The following PC variants were observed in gnomAD, a reference collection of about 807,000 sequenced individuals.
PC encodes pyruvate carboxylase, mitochondrial.
PC carries 46 observed loss-of-function variants against 107.8 expected under a neutral mutation model. The ratio of observed to expected loss-of-function variants is 0.43; its 90% CI spans 0.34 to 0.55. The LOEUF is 0.55. Ranked by LOEUF, PC falls within the 20% of genes least tolerant of loss-of-function variation. The pLI, the probability that PC is intolerant of heterozygous loss-of-function variation, is 0.04. For missense variants in PC, 1,241 were observed against 1,643.1 expected (o/e 0.76, Z 4.23); for synonymous variants, 662 against 684.7 (o/e 0.97, Z 0.52).
intron 3 of PC, among the ~76,000 whole-genome samples, chr11:66,914,094 G>A (rs917942784): frequency 2.6e-5 from 4 of 152,126 alleles, no homozygotes; most frequent in Non-Finnish European, 5.9e-5. Flanking sequence ...CAAACACTTC[G>A]GTAAGTCAGC....
Position 66,858,522 on chromosome 11 carries a change from CCGCCCGGCCT to C in PC, c.1369-5149_1369-5140del. Reference sequence around the variant, plus strand: ...GGACGACCTGGAAACGTGCGCCTCCCCGCCCGGCCTGGCCGGCCGCTACTTCTGGGCAGTG... The same window carrying C: ...GGACGACCTGGAAACGTGCGCCTCCCGGCCGGCCGCTACTTCTGGGCAGTG... On this transcript the variant is annotated intron_variant, in intron 12 of 22. Transcript: ENST00000393960. The surrounding 1 kb of genome is among the most constrained non-coding windows in gnomAD (Gnocchi z 5.9). 4 of 1,534,520 alleles carry C rather than the reference CCGCCCGGCCT, an allele frequency of 2.6e-6. No individual in the cohort carries two copies. Among genetic ancestry groups the C allele is most frequent in the Non-Finnish European group, 3.5e-6 (4 of 1,145,750 alleles).
chr11:66,879,349 A>C (rs1000848098), intron 3 of PC, among the ~76,000 whole-genome samples: 2 of 152,210 alleles, frequency 1.3e-5, no homozygotes, highest in Non-Finnish European at 2.9e-5. Context: ...CGAGGACACC[A>C]CGTGCTTTTG....
At chr11:66,874,198 G>A (rs186317157) in intron 3 of PC, among the ~76,000 whole-genome samples, 74 of 152,186 alleles carry the variant, frequency 4.9e-4, no homozygotes, top group Middle Eastern at 3.4e-3. Context: ...GACCTCAGGC[G>A]ATCCACCTGC....
chr11:66,859,549 G>T lies in PC; in HGVS notation c.1368+4225C>A, dbSNP rs555737259. On this transcript the variant is annotated intron_variant, in intron 12 of 22. Transcript: ENST00000393960. ...AGCCCGAGTGGCCCCAGGGGGAGGG[G>T]TGTTTGGAGCTGGGAGCACGGGAGT... 1.2e-5 allele frequency: 19 copies of T among 1,572,652 alleles called. No homozygotes were observed. The South Asian group carries it at 1.7e-4, about 14-fold the overall frequency.
In PC at chr11:66,849,028, G is replaced by A; in HGVS notation, c.3408C>T (p.Pro1136=). ...VAGAKVAKGQ[P]LCVLSAMKME... ...TCTTCATGGCACTGAGCACACACAG[G>A]GGCTGGCCCTTGGCCACCTTGGCCC... Residue 1136 remains proline, a synonymous_variant, in exon 23 of 23, where the codon CCC becomes CCT. Transcript: ENST00000393960. 1 of 1,614,094 alleles carries A rather than the reference G, an allele frequency of 6.2e-7. No individual in the cohort carries two copies. The highest frequency in any genetic ancestry group is 8.5e-7 in the Non-Finnish European group (1 of 1,180,040).
At chr11:66,958,056 C>G (rs1403118900) in intron 1 of PC, 1 of 150,162 alleles carries the variant, frequency 6.7e-6, no homozygotes, top group Non-Finnish European at 1.5e-5. Context: ...TGCGGAGGGG[C>G]GCTCGGGGGC....
Position 66,852,617 on chromosome 11 carries a change from C to A in PC, c.1647G>T (p.Gly549=), listed in dbSNP as rs763282432. The part of the protein sequence containing the change: ...AGFRDILLRE[G]PEGFARAVRN... ...GCACAGCTCGAGCAAAGCCCTCAGG[C>A]CCCTCTCGCAGCAGGATGTCTCTGA... is the stretch of plus-strand genomic sequence containing the variant. The change falls in exon 15 of 23, where the codon GGG becomes GGT. Residue 549 remains glycine (G), a synonymous_variant. Coordinates refer to ENST00000393960, the MANE Select transcript of PC (RefSeq NM_001040716.2). The surrounding 1 kb of genome is among the most constrained non-coding windows in gnomAD (Gnocchi z 4.7). 3 of 1,613,948 alleles carry A rather than the reference C, an allele frequency of 1.9e-6. No homozygotes were observed. In the South Asian group the frequency reaches 3.3e-5, roughly 18 times the overall value.
rs535939500 is a variant in PC, at chr11:66,868,462, G to A, written c.1022+384C>T. Among the ~76,000 whole-genome samples, 41 of 152,172 alleles carry A rather than the reference G, an allele frequency of 2.7e-4. 1 individual carries two copies. The highest frequency in any genetic ancestry group is 5.1e-4 in the Non-Finnish European group (35 of 68,032). ...ATGTCTCTAGTAAAACAGGTAAACCGGGAAAGGAGCAAACCAAAGACAGCC... is the reference window on the plus strand; with the variant it reads ...ATGTCTCTAGTAAAACAGGTAAACCAGGAAAGGAGCAAACCAAAGACAGCC... On this transcript the variant is annotated intron_variant, in intron 10 of 22. Coordinates refer to ENST00000393960, the MANE Select transcript of PC (RefSeq NM_001040716.2).
intron 3 of PC, among the ~76,000 whole-genome samples, chr11:66,927,710 C>A (rs1279815555): frequency 1.4e-4 from 20 of 141,664 alleles, no homozygotes; most frequent in Non-Finnish European, 2.7e-4. Context: ...GCAACAAGAG[C>A]GAAAGTCCGT....
At chr11:66,932,250 A>C (rs1251354121) in intron 3 of PC, among the ~76,000 whole-genome samples, 1 of 151,820 alleles carries the variant, frequency 6.6e-6, no homozygotes, top group East Asian at 1.9e-4. Context: ...TTAAACACTA[A>C]CTCTTTGGAT....
chr11:66,958,165 G>A (rs1949620556), intron 1 of PC, among the ~76,000 whole-genome samples, 157 bp downstream of exon 1: 1 of 151,908 alleles, frequency 6.6e-6, no homozygotes, highest in Non-Finnish European at 1.5e-5. Context: ...ACCGCGCACA[G>A]CCCGTCGCTG....
intron 16 of PC, 86 bp downstream of exon 16, chr11:66,851,704 C>T (rs2135807774): frequency 1.4e-6 from 2 of 1,381,548 alleles, no homozygotes; most frequent in East Asian, 2.3e-5. Context: ...GTCAGGCTGA[C>T]CGTGGAGAAC....
In PC at chr11:66,857,699, C is replaced by T; in HGVS notation, c.1369-4316G>A. 6.5e-7 allele frequency: 1 copy of T among 1,548,152 alleles called. No homozygotes were observed. The highest frequency in any genetic ancestry group is 8.7e-7 in the Non-Finnish European group (1 of 1,151,894). On this transcript the variant is annotated intron_variant, in intron 12 of 22. Transcript: ENST00000393960. This position sits in a 1 kb window ranked among gnomAD's most constrained non-coding sequence, Gnocchi z 7.1. ...GGGCCCAAGTGGGCACCTGCGCCAG[C>T]CCCACCTGTGCCTGGGCTGTGGCCC...
chr11:66,957,345 G>A (rs1369746560), intron 1 of PC, among the ~76,000 whole-genome samples: 1 of 152,248 alleles, frequency 6.6e-6, no homozygotes, highest in Non-Finnish European at 1.5e-5. Flanking sequence ...TAGAATTTCA[G>A]ACGAGGCACG....
chr11:66,874,822 T>A (rs549363880), intron 3 of PC, among the ~76,000 whole-genome samples: 12 of 152,136 alleles, frequency 7.9e-5, no homozygotes, highest in Non-Finnish European at 1.6e-4. Flanking sequence ...CAGGTGACAT[T>A]TTGCGAATGA....
In PC at chr11:66,855,693, T is replaced by C. The variant is rs146888825; in HGVS notation, c.1369-2310A>G. The stretch of plus-strand genomic sequence containing the variant: ...GCACCAGGACTGAATCCCCCTCATT[T>C]TACAAACGCCACAGCTGAGGCCCAG... On this transcript the variant is annotated intron_variant, in intron 12 of 22. Coordinates refer to ENST00000393960, the MANE Select transcript of PC (RefSeq NM_001040716.2). Among the ~76,000 whole-genome samples the C allele has an allele frequency of 1.2e-3, 177 of 152,318 alleles. 1 individual carries two copies. The highest frequency in any genetic ancestry group is 4.1e-3 in the African/African-American group (171 of 41,554).
At position 66,918,005 on chromosome 11, in the gene PC, T is replaced by C. The variant is rs79397172; in HGVS notation, c.-1+34425A>G. Among the ~76,000 whole-genome samples, 522 of 152,188 alleles carry C rather than the reference T, an allele frequency of 3.4e-3. 4 individuals carry two copies. Among genetic ancestry groups the C allele is most frequent in the African/African-American group, 0.012 (496 of 41,540 alleles). On this transcript the variant is annotated intron_variant, in intron 3 of 22. Coordinates refer to ENST00000393960, the MANE Select transcript of PC (RefSeq NM_001040716.2). ...TACCTGATAGAGCACCCACCATCAA[T>C]TGCAAAATCTTTAGTCAAATGCCCA...
intron 3 of PC, among the ~76,000 whole-genome samples, chr11:66,885,173 C>A (rs965187899): frequency 6.6e-6 from 1 of 152,198 alleles, no homozygotes; most frequent in Admixed American, 6.5e-5. Flanking sequence ...AAGTCCTAAC[C>A]CCTAGCACCT....
rs1422499333 is a variant in PC, at chr11:66,849,147, C to G, written c.3289G>C (p.Glu1097Gln). 7 of 1,613,842 alleles carry G rather than the reference C, an allele frequency of 4.3e-6. No individual in the cohort carries two copies. The highest frequency in any genetic ancestry group is 3.4e-6 in the Non-Finnish European group (4 of 1,180,042). ...ILVKDTQAMK[E>Q]MHFHPKALKD... The stretch of plus-strand genomic sequence containing the variant: ...AGGGCCTTGGGGTGGAAGTGCATCT[C>G]CTGAAGACACAGGGCAGAGGGGACA... Residue 1097 changes from glutamate to glutamine, a missense_variant and splice_region_variant, in exon 23 of 23, where the codon GAG (glutamate) becomes CAG (glutamine). Transcript: ENST00000393960.
Sources: gnomAD v4.1 joint callset for allele counts (sites outside exome capture counted in the v4.1 genomes callset) on GRCh38, gnomAD v4.1.1 for gene constraint, Gnocchi (gnomAD v3.1) non-coding constraint, MANE v1.5 for transcripts, NCBI Gene and HGNC (gene_info 2026-07-23, HGNC 2026-07-21) for gene names.